Variants in RAB3C observed in about 807,000 individuals in gnomAD.
RAB3C encodes the protein RAB3C, member RAS oncogene family.
Under a neutral mutation model 26.4 loss-of-function variants are expected in RAB3C, and 17 were observed. The ratio of observed to expected loss-of-function variants is 0.64; its 90% CI spans 0.44 to 0.97. The LOEUF is 0.97. Ranked by LOEUF, RAB3C falls within the 50% of genes least tolerant of loss-of-function variation. The pLI, the probability that RAB3C is intolerant of heterozygous loss-of-function variation, is 0.00. For missense variants in RAB3C, 242 were observed against 281.9 expected (o/e 0.86, Z 1.01); for synonymous variants, 91 against 95.9 (o/e 0.95, Z 0.30).
chr5:58,692,245 T>G (rs907454520), intron 2 of RAB3C, among the ~76,000 whole-genome samples: 8 of 152,230 alleles, frequency 5.3e-5, no homozygotes, highest in African/African-American at 1.9e-4. Flanking sequence ...TAATGGAATA[T>G]TCACTGTTTG....
chr5:58,753,630 G>A (rs1442349003), intron 3 of RAB3C, among the ~76,000 whole-genome samples: 1 of 152,188 alleles, frequency 6.6e-6, no homozygotes, highest in Non-Finnish European at 1.5e-5. Flanking sequence ...TAGTTGCACA[G>A]CTGTCTTCAC....
chr5:58,662,730 A>G (rs1747929523), intron 2 of RAB3C, among the ~76,000 whole-genome samples: 1 of 150,306 alleles, frequency 6.7e-6, no homozygotes, highest in Non-Finnish European at 1.5e-5. Flanking sequence ...AAATTCAAGG[A>G]CAGACAAAAA....
intron 1 of RAB3C, among the ~76,000 whole-genome samples, chr5:58,589,107 C>T (rs560306150): frequency 2.0e-5 from 3 of 152,034 alleles, no homozygotes; most frequent in Non-Finnish European, 2.9e-5. Flanking sequence ...TTTGATTTCT[C>T]GGTTGATGAG....
intron 2 of RAB3C, among the ~76,000 whole-genome samples, chr5:58,636,581 C>T (rs967289976): frequency 2.6e-5 from 4 of 152,142 alleles, no homozygotes; most frequent in African/African-American, 4.8e-5. Flanking sequence ...GATTTTATAT[C>T]CACCAAATGC....
At chr5:58,683,935 T>C (rs1437764316) in intron 2 of RAB3C, among the ~76,000 whole-genome samples, 1 of 152,340 alleles carries the variant, frequency 6.6e-6, no homozygotes, top group East Asian at 1.9e-4. Flanking sequence ...ATAATTGTTC[T>C]ATTTTATTAT....
chr5:58,638,530 A>T (rs1330545735), intron 2 of RAB3C, among the ~76,000 whole-genome samples: 2 of 152,220 alleles, frequency 1.3e-5, no homozygotes, highest in Non-Finnish European at 2.9e-5. Flanking sequence ...TAAAACCATT[A>T]TAACATTTTC....
chr5:58,660,075 G>A (rs1430805235), intron 2 of RAB3C, among the ~76,000 whole-genome samples: 1 of 140,798 alleles, frequency 7.1e-6, no homozygotes, highest in East Asian at 1.9e-4. Flanking sequence ...AAAGTGCTGG[G>A]ATTACAGGTG....
chr5:58,827,105 A>G (rs1414947165), intron 4 of RAB3C, among the ~76,000 whole-genome samples: 4 of 151,018 alleles, frequency 2.6e-5, no homozygotes, highest in Admixed American at 2.0e-4. Context: ...TTCCCACTCT[A>G]CCGATTAAAC....
intron 2 of RAB3C, among the ~76,000 whole-genome samples, chr5:58,686,526 G>T (rs954702882): frequency 6.6e-6 from 1 of 151,970 alleles, no homozygotes; most frequent in African/African-American, 2.4e-5. Flanking sequence ...CCCATTTTAG[G>T]TATAATTAAT....
chr5:58,693,345 T>TATATATATATATAC (rs1554048072), intron 2 of RAB3C, among the ~76,000 whole-genome samples: 8 of 140,174 alleles, frequency 5.7e-5, no homozygotes, highest in African/African-American at 2.3e-4. Context: ...TGTATATATA[T>TATATATATATATAC]ATATATATAT....
intron 4 of RAB3C, among the ~76,000 whole-genome samples, chr5:58,841,166 C>T (rs185584620): frequency 7.9e-5 from 12 of 152,274 alleles, no homozygotes; most frequent in East Asian, 1.9e-4. Context: ...GGTCACATAG[C>T]GACTTTGCTG....
intron 3 of RAB3C, among the ~76,000 whole-genome samples, chr5:58,727,305 G>T (rs1168154490): frequency 6.6e-6 from 1 of 151,678 alleles, no homozygotes; most frequent in African/African-American, 2.4e-5. Flanking sequence ...TACAATGCAA[G>T]AAATAATACC....
At chr5:58,637,328 G>T (rs1460802184) in intron 2 of RAB3C, among the ~76,000 whole-genome samples, 1 of 151,758 alleles carries the variant, frequency 6.6e-6, no homozygotes, top group African/African-American at 2.4e-5. Flanking sequence ...TTGTTCTTCT[G>T]TCTTCCTCTT....
At chr5:58,758,369 A>G (rs1187244754) in intron 3 of RAB3C, among the ~76,000 whole-genome samples, 2 of 152,240 alleles carry the variant, frequency 1.3e-5, no homozygotes, top group African/African-American at 4.8e-5. Context: ...TACTTACAAT[A>G]TGCCACATAC....
chr5:58,646,019 A>T (rs1561277323), intron 2 of RAB3C, among the ~76,000 whole-genome samples: 1 of 152,224 alleles, frequency 6.6e-6, no homozygotes, highest in Non-Finnish European at 1.5e-5. Context: ...TGTGCGGGAC[A>T]TTCTACCCGC....
intron 3 of RAB3C, among the ~76,000 whole-genome samples, chr5:58,728,961 C>T (rs293006): frequency 0.54 from 82,427 of 151,772 alleles, 22,791 homozygotes; most frequent in Non-Finnish European, 0.6. Flanking sequence ...CTTCCTCTGT[C>T]ATCTTTAAAA....
intron 2 of RAB3C, among the ~76,000 whole-genome samples, chr5:58,656,162 C>T (rs904058177): frequency 1.2e-4 from 19 of 152,116 alleles, no homozygotes; most frequent in African/African-American, 4.6e-4. Context: ...AAGGTATCAA[C>T]AGAGATACGT....
intron 3 of RAB3C, among the ~76,000 whole-genome samples, chr5:58,777,071 G>A (rs189047940): frequency 1.7e-4 from 26 of 152,232 alleles, no homozygotes; most frequent in African/African-American, 6.0e-4. Flanking sequence ...AGAAACCTGA[G>A]GATAACCTCA....
intron 3 of RAB3C, among the ~76,000 whole-genome samples, chr5:58,768,478 CA>C: frequency 6.6e-6 from 1 of 152,062 alleles, no homozygotes; most frequent in African/African-American, 2.4e-5. Context: ...AGGGTACAAA[CA>C]ACAGATAAAA....
Sources: gnomAD v4.1 joint callset for allele counts (sites outside exome capture counted in the v4.1 genomes callset) on GRCh38, gnomAD v4.1.1 for gene constraint, MANE v1.5 for transcripts, NCBI Gene and HGNC (gene_info 2026-07-23, HGNC 2026-07-21) for gene names.